ANO4: variants seen among roughly 807,000 people sequenced by gnomAD.
ANO4 encodes the protein anoctamin 4.
In ANO4, 69 loss-of-function variants were observed where a neutral mutation model predicts 141.9. The observed-to-expected ratio is 0.49, with a 90% CI of 0.40 to 0.59. The LOEUF (loss-of-function observed/expected upper bound fraction) is 0.59, where lower values mean the gene tolerates loss of function less well. Among genes scored for constraint, ANO4 ranks in the 20% least tolerant of loss-of-function variants. The pLI is 0.00. For synonymous variants in ANO4, 350 were observed against 394.3 expected, an observed-to-expected ratio of 0.89 and a Z score of 1.33; for missense variants, 894 against 1,162.2, an observed-to-expected ratio of 0.77 and a Z score of 3.36.
At chr12:100,838,478 T>A (rs1340325208) in intron 1 of ANO4, among the ~76,000 whole-genome samples, 1 of 151,910 alleles carries the variant, frequency 6.6e-6, no homozygotes, top group East Asian at 1.9e-4. Context: ...GAATAAGAAG[T>A]CCACAGGGCC....
chr12:101,098,127 G>A (rs926487124), intron 21 of ANO4, among the ~76,000 whole-genome samples, 182 bp downstream of exon 21: 6 of 152,160 alleles, frequency 3.9e-5, no homozygotes, highest in Non-Finnish European at 8.8e-5. Flanking sequence ...GCTCTTCTGG[G>A]AGATTTAGCA....
At chr12:101,098,295 C>T (rs1452771262) in intron 21 of ANO4, among the ~76,000 whole-genome samples, 1 of 152,206 alleles carries the variant, frequency 6.6e-6, no homozygotes, top group Non-Finnish European at 1.5e-5. Flanking sequence ...CATCTCCACT[C>T]TCCCATCCTC....
chr12:100,831,941 A>G (rs1277745818), intron 1 of ANO4, among the ~76,000 whole-genome samples: 3 of 152,206 alleles, frequency 2.0e-5, no homozygotes, highest in East Asian at 3.9e-4. Flanking sequence ...TTGATTGTTA[A>G]TATTTATTGA....
intron 14 of ANO4, among the ~76,000 whole-genome samples, chr12:101,074,712 A>G (rs778566345): frequency 2.0e-5 from 3 of 152,236 alleles, no homozygotes; most frequent in Non-Finnish European, 2.9e-5. Flanking sequence ...AAACGTTGAT[A>G]CTATTATTAA....
At chr12:101,047,153 A>G (rs1199987897) in intron 13 of ANO4, among the ~76,000 whole-genome samples, 1 of 152,094 alleles carries the variant, frequency 6.6e-6, no homozygotes, top group African/African-American at 2.4e-5. Context: ...GGAGGCTGAG[A>G]CAGGAAAATC....
chr12:101,003,421 A>G (rs1566114188), intron 8 of ANO4, among the ~76,000 whole-genome samples: 1 of 152,240 alleles, frequency 6.6e-6, no homozygotes, highest in African/African-American at 2.4e-5. Flanking sequence ...TGCCAAAACA[A>G]GCCTTATGAC....
At chr12:100,831,022 A>G (rs1182630875) in intron 1 of ANO4, among the ~76,000 whole-genome samples, 6 of 152,116 alleles carry the variant, frequency 3.9e-5, no homozygotes, top group African/African-American at 1.4e-4. Context: ...CTAAGAGTTT[A>G]ACATATGTGT....
chr12:100,752,464 C>T (rs1197536964), intron 3 of ANO4, among the ~76,000 whole-genome samples: 1 of 152,040 alleles, frequency 6.6e-6, no homozygotes, highest in Non-Finnish European at 1.5e-5. Context: ...ATTCTGTTCC[C>T]CAAAAACAAC....
At chr12:100,747,000 A>T (rs2032141961) in intron 3 of ANO4, among the ~76,000 whole-genome samples, 1 of 152,132 alleles carries the variant, frequency 6.6e-6, no homozygotes, top group Non-Finnish European at 1.5e-5. Context: ...GGGCTGAATA[A>T]TTCTTAGCTG....
chr12:101,076,928 G>A (rs952388742), intron 14 of ANO4, among the ~76,000 whole-genome samples: 1 of 152,182 alleles, frequency 6.6e-6, no homozygotes, highest in South Asian at 2.1e-4. Context: ...CAAGCGTGCA[G>A]CAAAGAGTTA....
At chr12:100,837,262 T>C (rs1172817045) in intron 1 of ANO4, among the ~76,000 whole-genome samples, 2 of 151,056 alleles carry the variant, frequency 1.3e-5, no homozygotes, top group Non-Finnish European at 3.0e-5. Flanking sequence ...CATTTAATCC[T>C]ACAACAACCA....
At chr12:100,775,120 T>C (rs2033451670) in intron 3 of ANO4, among the ~76,000 whole-genome samples, 1 of 152,188 alleles carries the variant, frequency 6.6e-6, no homozygotes, top group African/African-American at 2.4e-5. Flanking sequence ...AAAATAATTA[T>C]ATATAAAAAC....
At chr12:100,791,186 C>T (rs2034034110), upstream of ANO4, among the ~76,000 whole-genome samples, 1 of 152,030 alleles carries the variant, frequency 6.6e-6, no homozygotes, top group Non-Finnish European at 1.5e-5. Context: ...CGAGACTAGC[C>T]TGGGCAACAC....
chr12:100,893,656 G>A (rs1371199019), intron 1 of ANO4, among the ~76,000 whole-genome samples: 1 of 152,114 alleles, frequency 6.6e-6, no homozygotes, highest in African/African-American at 2.4e-5. Flanking sequence ...TGATGGCCAA[G>A]TCCAAAACCA....
At chr12:100,868,254 A>G (rs760506325) in intron 1 of ANO4, among the ~76,000 whole-genome samples, 1 of 152,180 alleles carries the variant, frequency 6.6e-6, no homozygotes, top group Non-Finnish European at 1.5e-5. Context: ...TCCCTCTCAA[A>G]GACACCCAGC....
chr12:100,793,617 G>C (rs2135624604), upstream of ANO4, among the ~76,000 whole-genome samples: 1 of 152,064 alleles, frequency 6.6e-6, no homozygotes, highest in South Asian at 2.1e-4. Flanking sequence ...GTATATTCCT[G>C]TTAACTCTTG....
At chr12:100,882,582 C>T (rs901297379) in intron 1 of ANO4, among the ~76,000 whole-genome samples, 1 of 152,166 alleles carries the variant, frequency 6.6e-6, no homozygotes, top group Non-Finnish European at 1.5e-5. Flanking sequence ...TATTACCCTA[C>T]ATCCAGTTCA....
At chr12:101,092,356 G>C (rs2049810803) in intron 17 of ANO4, among the ~76,000 whole-genome samples, 1 of 152,188 alleles carries the variant, frequency 6.6e-6, no homozygotes, top group Admixed American at 6.5e-5. Flanking sequence ...AGATCAGAAA[G>C]CTTTCTGCCG....
At chr12:100,785,053 A>T (rs2033825462) in intron 3 of ANO4, among the ~76,000 whole-genome samples, 1 of 152,080 alleles carries the variant, frequency 6.6e-6, no homozygotes, top group Admixed American at 6.5e-5. Context: ...AAGGCTACCT[A>T]GTCTTCAGGG....
Sources: allele counts gnomAD v4.1 joint callset (sites outside exome capture counted in the v4.1 genomes callset), GRCh38; gene constraint gnomAD v4.1.1; transcripts MANE v1.5; gene names NCBI Gene and HGNC (gene_info 2026-07-23, HGNC 2026-07-21).